TMEM132C: variants seen among roughly 807,000 people sequenced by gnomAD.
TMEM132C encodes the protein transmembrane protein 132C.
In TMEM132C, 29 loss-of-function variants were observed where a neutral mutation model predicts 61.4. That is an observed-to-expected ratio of 0.47 (90% CI 0.35 to 0.64). The LOEUF is 0.64. TMEM132C is among the 30% of genes least tolerant of loss of function. The pLI is 0.00. For missense variants in TMEM132C, 1,408 were observed against 1,476.9 expected (o/e 0.95, Z 0.76); for synonymous variants, 656 against 633.1 (o/e 1.04, Z -0.54).
At chr12:128,516,116 G>A (rs75335042) in intron 2 of TMEM132C, among the ~76,000 whole-genome samples, 5 of 152,110 alleles carry the variant, frequency 3.3e-5, no homozygotes, top group African/African-American at 7.2e-5. Flanking sequence ...AGTAGGGTCC[G>A]CACTGAGACC....
At chr12:128,500,587 A>G (rs1872137457) in intron 2 of TMEM132C, among the ~76,000 whole-genome samples, 1 of 152,200 alleles carries the variant, frequency 6.6e-6, no homozygotes, top group Non-Finnish European at 1.5e-5. Context: ...TATGTATACA[A>G]AATGGTGCCC....
chr12:128,312,914 G>C (rs1404718096), intron 1 of TMEM132C, among the ~76,000 whole-genome samples: 1 of 152,238 alleles, frequency 6.6e-6, no homozygotes, highest in African/African-American at 2.4e-5. Flanking sequence ...TCTGGAGGAG[G>C]AATGCTTTCT....
chr12:128,303,096 G>T (rs1401983263), intron 1 of TMEM132C, among the ~76,000 whole-genome samples: 4 of 152,162 alleles, frequency 2.6e-5, no homozygotes, highest in African/African-American at 9.7e-5. Flanking sequence ...TAGGATATGT[G>T]TTCATTTATT....
chr12:128,316,815 C>A (rs1482919488), intron 1 of TMEM132C, among the ~76,000 whole-genome samples: 1 of 152,114 alleles, frequency 6.6e-6, no homozygotes, highest in Non-Finnish European at 1.5e-5. Flanking sequence ...TTAATCATAA[C>A]CCTTGTTCCA....
chr12:128,638,732 G>T (rs1005498903), intron 4 of TMEM132C, among the ~76,000 whole-genome samples: 2 of 152,208 alleles, frequency 1.3e-5, no homozygotes, highest in African/African-American at 4.8e-5. Flanking sequence ...GAGAAGAGGA[G>T]GAGAATGATA....
chr12:128,374,983 A>T (rs1593030106), intron 1 of TMEM132C, among the ~76,000 whole-genome samples: 1 of 45,226 alleles, frequency 2.2e-5, no homozygotes, highest in South Asian at 7.8e-4. Flanking sequence ...GGGGATGAAA[A>T]CCATTCCCAG....
chr12:128,379,514 T>C (rs973296392), intron 1 of TMEM132C, among the ~76,000 whole-genome samples: 1 of 152,180 alleles, frequency 6.6e-6, no homozygotes, highest in African/African-American at 2.4e-5. Context: ...CTGCACCCAC[T>C]CCAGAGGCGC....
At chr12:128,338,505 G>A (rs950821146) in intron 1 of TMEM132C, among the ~76,000 whole-genome samples, 1 of 152,104 alleles carries the variant, frequency 6.6e-6, no homozygotes, top group Non-Finnish European at 1.5e-5. Context: ...GCCTCATGGG[G>A]TGGGATCTTT....
In TMEM132C at chr12:128,547,488, C is replaced by T. The variant is rs531028333; in HGVS notation, c.1121+3385C>T. 3.1e-4 allele frequency among the ~76,000 whole-genome samples: 46 copies of T among 149,588 alleles called. No homozygotes were observed. In the South Asian group the frequency reaches 7.0e-3, roughly 23 times the overall value. ...CTGAGGCAGGAGAATGGTGTGAACC[C>T]GGGAGGCGGAGCTTGCAGTGAGCTC... On this transcript the variant is annotated intron_variant, in intron 3 of 8. Coordinates refer to ENST00000435159, the MANE Select transcript of TMEM132C (RefSeq NM_001136103.3).
At chr12:128,294,182 A>G in intron 1 of TMEM132C, 1 of 154,804 alleles carries the variant, frequency 6.5e-6, no homozygotes, top group African/African-American at 2.4e-5. Context: ...CTAGCTCAGC[A>G]TCTTCCTCTG....
At chr12:128,683,929 G>A (rs550746084) in intron 5 of TMEM132C, among the ~76,000 whole-genome samples, 26 of 152,112 alleles carry the variant, frequency 1.7e-4, no homozygotes, top group Admixed American at 7.2e-4. Flanking sequence ...TTGCGCCATT[G>A]CACTCCAGCC....
chr12:128,547,900 A>ACTAAAAGTG (rs1874015931), intron 3 of TMEM132C, among the ~76,000 whole-genome samples: 1 of 152,170 alleles, frequency 6.6e-6, no homozygotes, highest in African/African-American at 2.4e-5. Context: ...ACCAAGTCTA[A>ACTAAAAGTG]CTAAAAGTGG....
At chr12:128,502,042 T>C (rs771719879) in intron 2 of TMEM132C, among the ~76,000 whole-genome samples, 1 of 152,212 alleles carries the variant, frequency 6.6e-6, no homozygotes, top group East Asian at 1.9e-4. Flanking sequence ...AGAAAGTCAT[T>C]CTATTTTATA....
chr12:128,535,003 G>A (rs968963339), intron 2 of TMEM132C, among the ~76,000 whole-genome samples: 2 of 152,306 alleles, frequency 1.3e-5, no homozygotes, highest in Non-Finnish European at 2.9e-5. Flanking sequence ...ATTGCAAGAG[G>A]CATTTATTTC....
intron 2 of TMEM132C, among the ~76,000 whole-genome samples, chr12:128,507,125 C>G (rs1476071529): frequency 6.6e-6 from 1 of 152,036 alleles, no homozygotes; most frequent in Non-Finnish European, 1.5e-5. Flanking sequence ...TTTTTTCTTG[C>G]TTAAATCAGT....
intron 2 of TMEM132C, among the ~76,000 whole-genome samples, chr12:128,499,068 G>C (rs967695585): frequency 8.4e-4 from 128 of 152,164 alleles, no homozygotes; most frequent in African/African-American, 3.0e-3. Context: ...ACCCAGAATA[G>C]CCAAAATCAT....
intron 3 of TMEM132C, among the ~76,000 whole-genome samples, chr12:128,545,984 C>A (rs960448402): frequency 6.6e-6 from 1 of 152,146 alleles, no homozygotes; most frequent in Admixed American, 6.6e-5. Flanking sequence ...ATGAAAAATC[C>A]TCAAATTCTC....
intron 2 of TMEM132C, among the ~76,000 whole-genome samples, chr12:128,449,738 GT>G (rs200062736): frequency 6.6e-6 from 1 of 151,948 alleles, no homozygotes. Flanking sequence ...AATAGCAGTG[GT>G]TTTTTTTGAC....
rs534469351 is a variant in TMEM132C at position 128,531,581 on chromosome 12, G to A, written c.975-12376G>A. 2.2e-4 allele frequency among the ~76,000 whole-genome samples: 34 copies of A among 152,308 alleles called. 1 individual carries two copies. In the South Asian group the frequency reaches 5.2e-3, roughly 23 times the overall value. The stretch of plus-strand genomic sequence containing the variant: ...CATAACCACAGGTGAAGGCACATGC[G>A]TGTGCACACACACAGGCACATACCT... On this transcript the variant is annotated intron_variant, in intron 2 of 8. Coordinates refer to ENST00000435159, the MANE Select transcript of TMEM132C (RefSeq NM_001136103.3).
Sources: gnomAD v4.1 joint callset for allele counts (sites outside exome capture counted in the v4.1 genomes callset) on GRCh38, gnomAD v4.1.1 for gene constraint, MANE v1.5 for transcripts, NCBI Gene and HGNC (gene_info 2026-07-23, HGNC 2026-07-21) for gene names.